The following LARGE1 variants were observed in gnomAD, a reference collection of about 807,000 sequenced individuals.
The protein encoded by LARGE1 is LARGE xylosyl- and glucuronyltransferase 1.
Under a neutral mutation model 87.6 loss-of-function variants are expected in LARGE1, and 43 were observed. The ratio of observed to expected loss-of-function variants is 0.49; its 90% CI spans 0.38 to 0.63. LARGE1 has a LOEUF of 0.63. Ranked by LOEUF, LARGE1 falls within the 30% of genes least tolerant of loss-of-function variation. The pLI is 0.00. For missense variants in LARGE1, 802 were observed against 1,000.2 expected, an observed-to-expected ratio of 0.80 and a Z score of 2.67; for synonymous variants, 434 against 394.6, an observed-to-expected ratio of 1.10 and a Z score of -1.18.
intron 1 of LARGE1, among the ~76,000 whole-genome samples, chr22:33,792,152 A>T (rs1003090010): frequency 1.3e-5 from 2 of 152,190 alleles, no homozygotes; most frequent in Non-Finnish European, 1.5e-5. Context: ...TATACTTGTT[A>T]GGAGGTGATA....
chr22:33,865,392 CT>C (rs1374339684), intron 1 of LARGE1, among the ~76,000 whole-genome samples: 2 of 152,174 alleles, frequency 1.3e-5, no homozygotes, highest in African/African-American at 2.4e-5. Flanking sequence ...ATATTGGCGT[CT>C]TTTTCTTTTC....
chr22:33,521,118 G>C (rs1008312830), intron 6 of LARGE1, among the ~76,000 whole-genome samples: 1 of 152,204 alleles, frequency 6.6e-6, no homozygotes, highest in Non-Finnish European at 1.5e-5. Context: ...GTTATTTCAG[G>C]AATGACTATA....
Position 33,599,663 on chromosome 22 carries a change from C to A in LARGE1, c.615+4772G>T, listed in dbSNP as rs139419705. ...CCAATCCCTCACAAATGTCCTGTTTCCTATTACTTCATTCTACAGCACTAA... is the reference window on the plus strand; with the variant it reads ...CCAATCCCTCACAAATGTCCTGTTTACTATTACTTCATTCTACAGCACTAA... On this transcript the variant is annotated intron_variant, in intron 5 of 14. Coordinates refer to ENST00000397394, the MANE Select transcript of LARGE1 (RefSeq NM_133642.5). Among the ~76,000 whole-genome samples, 528 of 152,252 alleles carry A rather than the reference C, an allele frequency of 3.5e-3. 5 individuals are homozygous for A. Among genetic ancestry groups the A allele is most frequent in the African/African-American group, 0.012 (492 of 41,532 alleles).
At chr22:33,690,358 A>C (rs890494637) in intron 2 of LARGE1, among the ~76,000 whole-genome samples, 1 of 152,216 alleles carries the variant, frequency 6.6e-6, no homozygotes, top group African/African-American at 2.4e-5. Flanking sequence ...GGACTAACTA[A>C]GTATACCCAT....
intron 6 of LARGE1, among the ~76,000 whole-genome samples, chr22:33,551,012 T>C (rs902297928): frequency 2.0e-5 from 3 of 151,924 alleles, no homozygotes; most frequent in Admixed American, 6.6e-5. Flanking sequence ...CACATGGATG[T>C]AGAGAGTGGA....
At chr22:33,720,298 G>A (rs58888938) in intron 2 of LARGE1, among the ~76,000 whole-genome samples, 14 of 152,138 alleles carry the variant, frequency 9.2e-5, no homozygotes, top group East Asian at 7.8e-4. Flanking sequence ...TGCCACTGCC[G>A]ATCTGACAGG....
intron 1 of LARGE1, among the ~76,000 whole-genome samples, chr22:33,839,587 T>C (rs183110286): frequency 1.3e-5 from 2 of 152,312 alleles, no homozygotes; most frequent in East Asian, 1.9e-4. Flanking sequence ...TAGAGAACAT[T>C]CTCATTCTAC....
chr22:33,405,207 C>T (rs1192509434), intron 7 of LARGE1, among the ~76,000 whole-genome samples: 2 of 152,190 alleles, frequency 1.3e-5, no homozygotes, highest in Non-Finnish European at 2.9e-5. Context: ...AGCCAAGTGC[C>T]GTCTTTGCCA....
intron 7 of LARGE1, among the ~76,000 whole-genome samples, chr22:33,402,562 G>A (rs1342382591): frequency 6.6e-6 from 1 of 152,156 alleles, no homozygotes; most frequent in African/African-American, 2.4e-5. Context: ...CCTTGGGCAG[G>A]TTACTTAATA....
intron 1 of LARGE1, among the ~76,000 whole-genome samples, chr22:33,888,817 A>G (rs1405059213): frequency 6.6e-6 from 1 of 151,942 alleles, no homozygotes; most frequent in Non-Finnish European, 1.5e-5. Flanking sequence ...AGATCACAGC[A>G]CTGCACTCCA....
At chr22:33,475,112 G>A (rs2069015302) in intron 6 of LARGE1, among the ~76,000 whole-genome samples, 1 of 152,156 alleles carries the variant, frequency 6.6e-6, no homozygotes, top group Non-Finnish European at 1.5e-5. Flanking sequence ...CACTGGAACA[G>A]AGTCTTTGTG....
intron 5 of LARGE1, among the ~76,000 whole-genome samples, chr22:33,593,051 G>A (rs921269446): frequency 1.3e-5 from 2 of 152,196 alleles, no homozygotes; most frequent in Admixed American, 6.5e-5. Context: ...GTGTTAGCCA[G>A]GATGGTCTCA....
At chr22:33,311,253 C>T (rs1326477320) in intron 11 of LARGE1, among the ~76,000 whole-genome samples, 1 of 152,144 alleles carries the variant, frequency 6.6e-6, no homozygotes, top group African/African-American at 2.4e-5. Context: ...AGCCACCGCG[C>T]CCGGCCCCGG....
In LARGE1 at chr22:33,690,312, T is replaced by G. The variant is rs554132868; in HGVS notation, c.107-39644A>C. Among the ~76,000 whole-genome samples, 7 of 152,298 alleles carry G rather than the reference T, an allele frequency of 4.6e-5. No individual in the cohort carries two copies. In the South Asian group the frequency reaches 8.3e-4, roughly 18 times the overall value. On this transcript the variant is annotated intron_variant, in intron 2 of 14. Transcript: ENST00000397394. ...GACCTCAGTTTCCTCCTTTATAAAC[T>G]GAAGATAATGGCCCCCATCTCATGG... is the stretch of plus-strand genomic sequence containing the variant.
intron 2 of LARGE1, among the ~76,000 whole-genome samples, chr22:33,680,966 T>C (rs1361196444): frequency 1.3e-5 from 2 of 152,218 alleles, no homozygotes; most frequent in African/African-American, 4.8e-5. Flanking sequence ...ATCCACCCAG[T>C]TATCAGCTGG....
the LARGE1 span, among the ~76,000 whole-genome samples, chr22:33,083,376 C>T: frequency 6.6e-6 from 1 of 152,330 alleles, no homozygotes; most frequent in South Asian, 2.1e-4. Flanking sequence ...TGGAATTTGT[C>T]TTCCTTAGGT....
At chr22:33,138,568 C>T in the LARGE1 span, among the ~76,000 whole-genome samples, 2 of 152,088 alleles carry the variant, frequency 1.3e-5, no homozygotes, top group Non-Finnish European at 2.9e-5. Context: ...CTCAGCCTCC[C>T]AAGTAGCTGA....
chr22:33,760,465 C>T (rs1320047157), intron 2 of LARGE1, among the ~76,000 whole-genome samples: 1 of 152,152 alleles, frequency 6.6e-6, no homozygotes, highest in Non-Finnish European at 1.5e-5. Flanking sequence ...TCTGACAGCT[C>T]CAACAAACCT....
At chr22:33,914,935 T>C (rs750151562) in intron 1 of LARGE1, among the ~76,000 whole-genome samples, 3 of 151,844 alleles carry the variant, frequency 2.0e-5, no homozygotes, top group Admixed American at 6.6e-5. Flanking sequence ...CCTGATCCCC[T>C]GGGGCTTGAT....
Sources: gnomAD v4.1 joint callset for allele counts (sites outside exome capture counted in the v4.1 genomes callset) on GRCh38, gnomAD v4.1.1 for gene constraint, MANE v1.5 for transcripts, NCBI Gene and HGNC (gene_info 2026-07-23, HGNC 2026-07-21) for gene names.